Variants in DLC1 observed in about 807,000 individuals in gnomAD.
DLC1 encodes the protein DLC1 Rho GTPase activating protein.
In DLC1, 54 loss-of-function variants were observed where a neutral mutation model predicts 140.3. The ratio of observed to expected loss-of-function variants is 0.38; its 90% CI spans 0.31 to 0.48. DLC1 has a LOEUF of 0.48. DLC1 is among the 20% of genes least tolerant of loss of function. The probability of loss-of-function intolerance (pLI) is 0.96; values close to 1 mark genes in which losing one functional copy is unlikely to be tolerated. For missense variants in DLC1, 2,536 were observed against 1,907.0 expected, an observed-to-expected ratio of 1.33 and a Z score of -6.14; for synonymous variants, 986 against 728.1, an observed-to-expected ratio of 1.35 and a Z score of -5.70.
At chr8:13,313,930 CA>C (rs1470008066) in intron 4 of DLC1, among the ~76,000 whole-genome samples, 1 of 152,000 alleles carries the variant, frequency 6.6e-6, no homozygotes, top group Non-Finnish European at 1.5e-5. Context: ...TTAGGTAAGC[CA>C]GTGATGATAT....
chr8:13,441,808 C>T (rs1444077891), intron 2 of DLC1, among the ~76,000 whole-genome samples: 2 of 152,042 alleles, frequency 1.3e-5, no homozygotes, highest in Non-Finnish European at 2.9e-5. Flanking sequence ...AGATTCAATG[C>T]CATCCCCATC....
chr8:13,165,115 A>G (rs1412513226), intron 5 of DLC1, among the ~76,000 whole-genome samples: 1 of 152,218 alleles, frequency 6.6e-6, no homozygotes, highest in Non-Finnish European at 1.5e-5. Flanking sequence ...TGACATTTTA[A>G]TTTCAGATAA....
At chr8:13,240,927 G>C (rs910652253) in intron 5 of DLC1, among the ~76,000 whole-genome samples, 1 of 152,114 alleles carries the variant, frequency 6.6e-6, no homozygotes, top group African/African-American at 2.4e-5. Context: ...GACACTATTT[G>C]GCTCTCTGTT....
chr8:13,417,469 T>C, intron 2 of DLC1, among the ~76,000 whole-genome samples: 1 of 151,680 alleles, frequency 6.6e-6, no homozygotes, highest in South Asian at 2.1e-4. Flanking sequence ...GTTTGGTTTT[T>C]TTGTCCTTGC....
rs1563359876 is a variant in DLC1, at chr8:13,453,428, A to ATATATATATATATGTG, written c.1023+45620_1023+45621insCACATATATATATATA. Among the ~76,000 whole-genome samples, 185 of 30,894 alleles carry ATATATATATATATGTG rather than the reference A, an allele frequency of 6.0e-3. 9 individuals carry two copies. Among genetic ancestry groups the ATATATATATATATGTG allele is most frequent in the African/African-American group, 0.011 (66 of 6,022 alleles). 20.3% of individuals were successfully genotyped at this position (30,894 alleles called of 152,430 possible). On this transcript the variant is annotated intron_variant, in intron 2 of 17. Coordinates refer to ENST00000276297, the MANE Select transcript of DLC1 (RefSeq NM_182643.3). ...TGTATATATATATATATATATGTGT[A>ATATATATATATATGTG]TATATATATGTATATATATACATAT...
chr8:13,347,368 G>A (rs1436357163), intron 4 of DLC1, among the ~76,000 whole-genome samples: 2 of 152,178 alleles, frequency 1.3e-5, no homozygotes, highest in Admixed American at 1.3e-4. Flanking sequence ...GACACAGAGA[G>A]CCCTAAACAT....
At chr8:13,434,830 C>G (rs1434282002) in intron 2 of DLC1, among the ~76,000 whole-genome samples, 2 of 152,078 alleles carry the variant, frequency 1.3e-5, no homozygotes. Context: ...AGGCCCTGCT[C>G]CAACACACCT....
chr8:13,417,063 A>G (rs1838099136), intron 2 of DLC1, among the ~76,000 whole-genome samples: 1 of 152,148 alleles, frequency 6.6e-6, no homozygotes, highest in African/African-American at 2.4e-5. Flanking sequence ...TGATCAGTAA[A>G]CAACAGAAAT....
chr8:13,326,377 G>C (rs757545742), intron 4 of DLC1, among the ~76,000 whole-genome samples: 4 of 152,194 alleles, frequency 2.6e-5, no homozygotes, highest in Non-Finnish European at 5.9e-5. Flanking sequence ...ACATGTTATA[G>C]TAGAACATCC....
At chr8:13,585,494 A>G (rs1260976206) in intron 1 of DLC1, among the ~76,000 whole-genome samples, 2 of 152,240 alleles carry the variant, frequency 1.3e-5, no homozygotes, top group Non-Finnish European at 2.9e-5. Flanking sequence ...CTTAAGTTGT[A>G]CTTTGTAATT....
chr8:13,265,952 A>G (rs1376238094), intron 5 of DLC1, among the ~76,000 whole-genome samples: 3 of 152,184 alleles, frequency 2.0e-5, no homozygotes, highest in Non-Finnish European at 4.4e-5. Context: ...TGACATAATT[A>G]TTCTGCTGTT....
chr8:13,104,228 G>A (rs1563605904), intron 7 of DLC1, among the ~76,000 whole-genome samples: 1 of 151,780 alleles, frequency 6.6e-6, no homozygotes, highest in Non-Finnish European at 1.5e-5. Context: ...AAGCACTCAG[G>A]TAAGACTCTT....
At chr8:13,305,168 T>C (rs1174974342) in intron 5 of DLC1, 101 bp downstream of exon 5, 2 of 1,469,668 alleles carry the variant, frequency 1.4e-6, no homozygotes, top group Non-Finnish European at 1.8e-6. Context: ...CATATATTCA[T>C]GAGATGTATA....
At chr8:13,304,998 T>G (rs1388313387) in intron 5 of DLC1, 1 of 1,091,906 alleles carries the variant, frequency 9.2e-7, no homozygotes, top group Non-Finnish European at 1.1e-6. Context: ...ATTTAATTCT[T>G]TTGCTTAAGA....
intron 3 of DLC1, 68 bp from the exon 4 acceptor site, chr8:13,393,761 C>T (rs1356297911): frequency 1.9e-6 from 3 of 1,543,224 alleles, no homozygotes; most frequent in Non-Finnish European, 1.7e-6. Context: ...CTTCCTACCA[C>T]CAGAACTTTG....
intron 5 of DLC1, among the ~76,000 whole-genome samples, chr8:13,228,659 A>C (rs1227406355): frequency 6.6e-6 from 1 of 152,208 alleles, no homozygotes; most frequent in Non-Finnish European, 1.5e-5. Flanking sequence ...CTGAGGCAAG[A>C]AGATTGCTTC....
intron 5 of DLC1, among the ~76,000 whole-genome samples, chr8:13,292,791 A>T (rs1249418614): frequency 6.6e-6 from 1 of 152,122 alleles, no homozygotes; most frequent in East Asian, 1.9e-4. Flanking sequence ...CAATTGTGTC[A>T]CTCATTTTTT....
chr8:13,230,177 A>G (rs1488820416), intron 5 of DLC1, among the ~76,000 whole-genome samples: 1 of 152,242 alleles, frequency 6.6e-6, no homozygotes, highest in African/African-American at 2.4e-5. Context: ...TGTTTTCCTA[A>G]TACTAGCCAA....
At chr8:13,238,302 A>G (rs1829384024) in intron 5 of DLC1, among the ~76,000 whole-genome samples, 2 of 152,098 alleles carry the variant, frequency 1.3e-5, no homozygotes, top group Admixed American at 6.6e-5. Context: ...TTCCTCTTCA[A>G]ATGTTCAAGA....
Sources: allele counts gnomAD v4.1 joint callset (sites outside exome capture counted in the v4.1 genomes callset), GRCh38; gene constraint gnomAD v4.1.1; transcripts MANE v1.5; gene names NCBI Gene and HGNC (gene_info 2026-07-23, HGNC 2026-07-21).